SLC17A5: variants seen among roughly 807,000 people sequenced by gnomAD.
SLC17A5 encodes the protein sialin.
SLC17A5 carries 47 observed loss-of-function variants against 59.4 expected under a neutral mutation model. That is an observed-to-expected ratio of 0.79 (90% CI 0.63 to 1.01). The LOEUF is 1.01. Ranked by LOEUF, SLC17A5 falls within the 50% of genes least tolerant of loss-of-function variation. The pLI, the probability that SLC17A5 is intolerant of heterozygous loss-of-function variation, is 0.00. For missense variants in SLC17A5, 522 were observed against 595.5 expected, an observed-to-expected ratio of 0.88 and a Z score of 1.28; for synonymous variants, 202 against 210.7, an observed-to-expected ratio of 0.96 and a Z score of 0.36.
chr6:73,601,464 G>T, intron 9 of SLC17A5, among the ~76,000 whole-genome samples: 1 of 138,574 alleles, frequency 7.2e-6, no homozygotes, highest in South Asian at 2.3e-4. Flanking sequence ...GGGAGGTGGG[G>T]GGGTCAGCAC....
At chr6:73,617,561 C>T (rs969101845) in intron 7 of SLC17A5, among the ~76,000 whole-genome samples, 17 of 151,672 alleles carry the variant, frequency 1.1e-4, no homozygotes, top group African/African-American at 4.1e-4. Flanking sequence ...TAAAAACTGC[C>T]GGCTAGGCAC....
chr6:73,602,691 C>T (rs1238454149), intron 9 of SLC17A5, among the ~76,000 whole-genome samples: 10 of 150,640 alleles, frequency 6.6e-5, no homozygotes, highest in Non-Finnish European at 1.5e-5. Context: ...AGGAGAATGG[C>T]GTGAACCTGG....
chr6:73,653,673 C>A (rs1769978038), intron 1 of SLC17A5, 120 bp downstream of exon 1: 2 of 1,122,246 alleles, frequency 1.8e-6, no homozygotes, highest in South Asian at 1.4e-5. Flanking sequence ...TGTCCCCTCG[C>A]GCCTGAGCAG....
intron 9 of SLC17A5, among the ~76,000 whole-genome samples, chr6:73,603,367 C>T (rs1239463272): frequency 2.6e-5 from 4 of 151,418 alleles, no homozygotes; most frequent in Admixed American, 2.0e-4. Flanking sequence ...GCTGGGATTA[C>T]AGGCGTGAGC....
chr6:73,619,784 C>A (rs937375123), intron 7 of SLC17A5, among the ~76,000 whole-genome samples: 2 of 152,066 alleles, frequency 1.3e-5, no homozygotes, highest in Non-Finnish European at 2.9e-5. Flanking sequence ...ACATTAATTA[C>A]TGGCCAGCTA....
chr6:73,649,022 G>C (rs1453161127), intron 1 of SLC17A5, among the ~76,000 whole-genome samples: 2 of 149,746 alleles, frequency 1.3e-5, no homozygotes, highest in African/African-American at 4.9e-5. Flanking sequence ...TTTGGAGATG[G>C]AGTCTTTCTC....
chr6:73,643,115 T>G (rs1055614409), intron 2 of SLC17A5, among the ~76,000 whole-genome samples: 1 of 152,076 alleles, frequency 6.6e-6, no homozygotes, highest in African/African-American at 2.4e-5. Context: ...AGTATCTTCG[T>G]GAGCACTGAA....
chr6:73,621,957 A>G lies in SLC17A5; in HGVS notation c.825T>C (p.Ser275=), dbSNP rs2150099476. 6.2e-7 allele frequency: 1 copy of G among 1,614,008 alleles called. No individual in the cohort carries two copies. Reference sequence around the variant, plus strand: ...GTACCCACGGCACTGACTTCTGTGAAGAAAGCTGAAGAAAACAGGAATAAT... The same window carrying G: ...GTACCCACGGCACTGACTTCTGTGAGGAAAGCTGAAGAAAACAGGAATAAT... ...YILSSLRNQL[S]SQKSVPWVPI... The change falls in exon 7 of 11, where the codon TCT becomes TCC. Residue 275 remains serine, a synonymous_variant. Coordinates refer to ENST00000355773, the MANE Select transcript of SLC17A5 (RefSeq NM_012434.5).
In SLC17A5 at chr6:73,594,836, C is replaced by A; in HGVS notation, c.*241G>T. On this transcript the variant is annotated 3_prime_UTR_variant, in exon 11 of 11. Coordinates refer to ENST00000355773, the MANE Select transcript of SLC17A5 (RefSeq NM_012434.5). ...CAGAACTGTCCTACTTCATGTTGCC[C>A]GACTAGCAGGCAGGTATGTGAACCT... 1 of 511,726 alleles carries A rather than the reference C, an allele frequency of 2.0e-6. No homozygotes were observed. The highest frequency in any genetic ancestry group is 3.5e-6 in the Non-Finnish European group (1 of 285,168). 31.7% of individuals were successfully genotyped at this position (511,726 alleles called of 1,614,324 possible).
In SLC17A5 at chr6:73,653,986, C is replaced by T; in HGVS notation, c.-100G>A. On this transcript the variant is annotated 5_prime_UTR_variant, in exon 1 of 11. Coordinates refer to ENST00000355773, the MANE Select transcript of SLC17A5 (RefSeq NM_012434.5). Reference sequence around the variant, plus strand: ...GCCGAGCTGGCTGGACCGGGCGGGGCGGGGGCGATGACACCGCCCCGCGGC... The same window carrying T: ...GCCGAGCTGGCTGGACCGGGCGGGGTGGGGGCGATGACACCGCCCCGCGGC... The T allele has an allele frequency of 2.1e-6, 2 of 939,518 alleles. No homozygotes were observed. Among genetic ancestry groups the T allele is most frequent in the Non-Finnish European group, 3.1e-6 (2 of 650,736 alleles). 58.2% of individuals were successfully genotyped at this position (939,518 alleles called of 1,614,324 possible).
At chr6:73,650,212 AAAAG>A (rs1562002846) in intron 1 of SLC17A5, among the ~76,000 whole-genome samples, 4 of 88,452 alleles carry the variant, frequency 4.5e-5, no homozygotes, top group African/African-American at 6.8e-5. Flanking sequence ...AAAAAAAAAA[AAAAG>A]AAAGAAAAAA....
intron 1 of SLC17A5, among the ~76,000 whole-genome samples, chr6:73,651,933 G>A (rs1769890212): frequency 6.6e-6 from 1 of 152,162 alleles, no homozygotes; most frequent in Non-Finnish European, 1.5e-5. Context: ...CATGGTATCT[G>A]GGATTTGCTT....
intron 1 of SLC17A5, among the ~76,000 whole-genome samples, chr6:73,651,528 GTATTATTATTATTT>G (rs1263148587): frequency 6.8e-6 from 1 of 147,778 alleles, no homozygotes; most frequent in African/African-American, 2.5e-5. Context: ...TATTTTGTAA[GTATTATTATTATTT>G]TATTATTATT....
chr6:73,641,140 C>T (rs978663076), intron 3 of SLC17A5, among the ~76,000 whole-genome samples: 20 of 152,094 alleles, frequency 1.3e-4, no homozygotes, highest in Non-Finnish European at 2.6e-4. Flanking sequence ...AGTGCAGTGG[C>T]GCGATCTTGG....
intron 9 of SLC17A5, among the ~76,000 whole-genome samples, chr6:73,603,972 A>T (rs1213463889): frequency 6.6e-6 from 1 of 152,236 alleles, no homozygotes; most frequent in Non-Finnish European, 1.5e-5. Flanking sequence ...TCAGTTAAAA[A>T]AAGTGCTGCT....
At chr6:73,616,546 TACAC>T (rs56306141) in intron 7 of SLC17A5, among the ~76,000 whole-genome samples, 5,850 of 126,288 alleles carry the variant, frequency 0.046, 135 homozygotes, top group Non-Finnish European at 0.066. Flanking sequence ...GTTTATTTAC[TACAC>T]ACACACACAC....
intron 3 of SLC17A5, among the ~76,000 whole-genome samples, chr6:73,639,200 T>C (rs973015768): frequency 1.3e-5 from 2 of 152,238 alleles, no homozygotes; most frequent in African/African-American, 2.4e-5. Flanking sequence ...GGGAGTTTCA[T>C]AGAGACTGGG....
intron 7 of SLC17A5, among the ~76,000 whole-genome samples, 180 bp downstream of exon 7, chr6:73,621,624 C>T (rs1704489319): frequency 1.3e-5 from 2 of 152,126 alleles, no homozygotes; most frequent in African/African-American, 4.8e-5. Flanking sequence ...ATGCTTTCTC[C>T]CATTCAGTGG....
At chr6:73,614,482 C>G (rs1767767375) in intron 8 of SLC17A5, among the ~76,000 whole-genome samples, 1 of 152,126 alleles carries the variant, frequency 6.6e-6, no homozygotes. Flanking sequence ...GCTCCTAAAA[C>G]TTTTGGAATT....
Sources: allele counts gnomAD v4.1 joint callset (sites outside exome capture counted in the v4.1 genomes callset), GRCh38; gene constraint gnomAD v4.1.1; transcripts MANE v1.5; gene names NCBI Gene and HGNC (gene_info 2026-07-23, HGNC 2026-07-21).